Variants in EIF4G3 observed in about 807,000 individuals in gnomAD.
The protein encoded by EIF4G3 is eukaryotic translation initiation factor 4 gamma 3, also known as eIF-4-gamma 3.
Under a neutral mutation model 186.4 loss-of-function variants are expected in EIF4G3, and 34 were observed. The observed-to-expected ratio is 0.18, with a 90% CI of 0.14 to 0.24. The LOEUF (loss-of-function observed/expected upper bound fraction) is 0.24, where lower values mean the gene tolerates loss of function less well. Ranked by LOEUF, EIF4G3 falls within the 10% of genes least tolerant of loss-of-function variation. The pLI is 1.00. For synonymous variants in EIF4G3, 673 were observed against 679.5 expected, an observed-to-expected ratio of 0.99 and a Z score of 0.15; for missense variants, 1,536 against 1,948.5, an observed-to-expected ratio of 0.79 and a Z score of 3.99.
At chr1:21,114,553 G>C (rs1044408543) in intron 2 of EIF4G3, among the ~76,000 whole-genome samples, 1 of 152,086 alleles carries the variant, frequency 6.6e-6, no homozygotes, top group Non-Finnish European at 1.5e-5. Flanking sequence ...TTTCAAAATG[G>C]TGATGCTTGA....
chr1:21,073,713 G>A, intron 3 of EIF4G3: 1 of 501,326 alleles, frequency 2.0e-6, no homozygotes, highest in Non-Finnish European at 4.0e-6. Context: ...TGACAGCCTA[G>A]TTTTGTTAGA....
At chr1:21,052,110 T>C (rs1375155312) in intron 3 of EIF4G3, among the ~76,000 whole-genome samples, 1 of 152,230 alleles carries the variant, frequency 6.6e-6, no homozygotes, top group East Asian at 1.9e-4. Flanking sequence ...CACAAATTTA[T>C]ACAACTGAAA....
chr1:20,894,009 A>G (rs2087025299), intron 17 of EIF4G3, among the ~76,000 whole-genome samples: 1 of 151,826 alleles, frequency 6.6e-6, no homozygotes, highest in South Asian at 2.1e-4. Context: ...CAGGATATAG[A>G]GCACTTGCCT....
At chr1:21,094,268 G>A (rs2096289218) in intron 2 of EIF4G3, among the ~76,000 whole-genome samples, 1 of 151,798 alleles carries the variant, frequency 6.6e-6, no homozygotes, top group South Asian at 2.1e-4. Context: ...CCATTACTGG[G>A]CATATACCCA....
At chr1:20,995,685 T>C (rs1263345268) in intron 7 of EIF4G3, among the ~76,000 whole-genome samples, 2 of 152,226 alleles carry the variant, frequency 1.3e-5, no homozygotes, top group African/African-American at 2.4e-5. Flanking sequence ...TCAGCAATAC[T>C]GTTTTTGTTT....
chr1:20,817,500 A>T lies in EIF4G3; in HGVS notation c.4407T>A (p.Ser1469=), dbSNP rs750974872. 2 of 1,607,050 alleles carry T rather than the reference A, an allele frequency of 1.2e-6. No homozygotes were observed. The highest frequency in any genetic ancestry group is 3.3e-5 in the Admixed American group (2 of 59,890). Residue 1469 remains serine, a synonymous_variant, in exon 34 of 37, where the codon TCT becomes TCA. Coordinates refer to ENST00000602326, the MANE Select transcript of EIF4G3 (RefSeq NM_001391906.1). ...ACAGTTCTTTCTTTGAAAGTGCTTC[A>T]GAGGAACAGGGACTGTCAGACTCTA... The part of the protein sequence containing the change: ...DFIESDSPCS[S]EALSKKELSA...
rs67887419 is a variant in EIF4G3 at position 21,068,395 on chromosome 1, A to G, written c.-195-17401T>C. ...GTCTTTAAAAAAAAAAAAAAAAAAAAAAAAACAGAATACTTCACATGAACT... is the reference window on the plus strand; with the variant it reads ...GTCTTTAAAAAAAAAAAAAAAAAAAGAAAAACAGAATACTTCACATGAACT... On this transcript the variant is annotated intron_variant, in intron 3 of 36. Coordinates refer to ENST00000602326, the MANE Select transcript of EIF4G3 (RefSeq NM_001391906.1). Among the ~76,000 whole-genome samples, 58 of 149,542 alleles carry G rather than the reference A, an allele frequency of 3.9e-4. 1 individual carries two copies. Among genetic ancestry groups the G allele is most frequent in the African/African-American group, 1.4e-3 (58 of 41,222 alleles).
At chr1:20,854,770 A>C (rs999017991) in intron 26 of EIF4G3, among the ~76,000 whole-genome samples, 1 of 151,958 alleles carries the variant, frequency 6.6e-6, no homozygotes, top group Non-Finnish European at 1.5e-5. Context: ...AGTCTAAATG[A>C]ATGAATTGAA....
intron 12 of EIF4G3, among the ~76,000 whole-genome samples, chr1:20,958,578 G>A (rs912008279): frequency 2.0e-5 from 3 of 152,038 alleles, no homozygotes; most frequent in African/African-American, 7.2e-5. Flanking sequence ...GAAATAAAGG[G>A]CATCCAAATT....
At chr1:20,987,994 T>C (rs1258183654) in intron 7 of EIF4G3, among the ~76,000 whole-genome samples, 6 of 152,238 alleles carry the variant, frequency 3.9e-5, no homozygotes, top group Non-Finnish European at 8.8e-5. Context: ...AACAGCCTTA[T>C]TGCTGATATG....
chr1:21,128,865 C>T (rs1241757589), intron 2 of EIF4G3, among the ~76,000 whole-genome samples: 1 of 152,232 alleles, frequency 6.6e-6, no homozygotes, highest in Admixed American at 6.5e-5. Flanking sequence ...AAAAAGAAAG[C>T]TGCAGAGAAT....
intron 32 of EIF4G3, 86 bp from the exon 33 acceptor site, chr1:20,825,284 TCAAA>T: frequency 9.4e-7 from 1 of 1,059,380 alleles, no homozygotes; most frequent in South Asian, 1.6e-5. Context: ...TTGCTTGAAG[TCAAA>T]CAGTGCAAAC....
intron 2 of EIF4G3, among the ~76,000 whole-genome samples, chr1:21,128,581 A>G (rs531457661): frequency 2.0e-5 from 3 of 152,306 alleles, no homozygotes; most frequent in South Asian, 4.1e-4. Flanking sequence ...GCTCAGATTC[A>G]TAACTCCAAC....
intron 4 of EIF4G3, among the ~76,000 whole-genome samples, chr1:21,039,342 A>T (rs908434303): frequency 6.6e-6 from 1 of 152,218 alleles, no homozygotes; most frequent in Non-Finnish European, 1.5e-5. Flanking sequence ...GAAAAACAAA[A>T]TTTTTAAAAT....
At chr1:21,108,089 A>C (rs1557997826) in intron 2 of EIF4G3, among the ~76,000 whole-genome samples, 2 of 152,186 alleles carry the variant, frequency 1.3e-5, no homozygotes, top group Non-Finnish European at 1.5e-5. Flanking sequence ...CAGAGGATGC[A>C]GTGTTGAGAT....
chr1:21,049,824 G>A (rs1008483123), intron 4 of EIF4G3, among the ~76,000 whole-genome samples: 10 of 152,052 alleles, frequency 6.6e-5, no homozygotes, highest in Non-Finnish European at 1.5e-4. Flanking sequence ...CCAGGAGTTA[G>A]AGGTTACAGT....
intron 17 of EIF4G3, among the ~76,000 whole-genome samples, chr1:20,894,434 C>T (rs2087206719): frequency 6.6e-6 from 1 of 152,080 alleles, no homozygotes; most frequent in Non-Finnish European, 1.5e-5. Context: ...TAGATACCAC[C>T]AATAGAAGTA....
chr1:21,061,601 A>G (rs909003905), intron 3 of EIF4G3, among the ~76,000 whole-genome samples: 4 of 152,206 alleles, frequency 2.6e-5, no homozygotes, highest in Non-Finnish European at 5.9e-5. Context: ...CAGATGAAAA[A>G]GTCTGAAACT....
intron 20 of EIF4G3, among the ~76,000 whole-genome samples, chr1:20,877,479 G>T (rs1293036793): frequency 2.0e-5 from 3 of 152,196 alleles, no homozygotes; most frequent in Non-Finnish European, 2.9e-5. Flanking sequence ...TTCAGGATTA[G>T]AATAACCATT....
Sources: gnomAD v4.1 joint callset for allele counts (sites outside exome capture counted in the v4.1 genomes callset) on GRCh38, gnomAD v4.1.1 for gene constraint, MANE v1.5 for transcripts, NCBI Gene and HGNC (gene_info 2026-07-23, HGNC 2026-07-21) for gene names.